The following RHOF variants were observed in gnomAD, a reference collection of about 807,000 sequenced individuals.
RHOF encodes the protein rho-related GTP-binding protein RhoF.
Under a neutral mutation model 22.2 loss-of-function variants are expected in RHOF, and 21 were observed. The observed-to-expected ratio is 0.95, with a 90% confidence interval of 0.67 to 1.36. The LOEUF (loss-of-function observed/expected upper bound fraction) is 1.36. Ranked by LOEUF, RHOF falls within the 40% of genes most tolerant of loss-of-function variation. The pLI is 0.00. For missense variants in RHOF, 285 were observed against 293.7 expected, an observed-to-expected ratio of 0.97 and a Z score of 0.22; for synonymous variants, 135 against 131.2, an observed-to-expected ratio of 1.03 and a Z score of -0.20.
At chr12:121,789,258 C>T (rs1332185879) in intron 2 of RHOF, among the ~76,000 whole-genome samples, 1 of 152,134 alleles carries the variant, frequency 6.6e-6, no homozygotes, top group Non-Finnish European at 1.5e-5. Context: ...AAAAAAAACC[C>T]AGGAATTACA....
At chr12:121,790,497 C>T (rs552145787) in intron 2 of RHOF, among the ~76,000 whole-genome samples, 123 of 152,376 alleles carry the variant, frequency 8.1e-4, no homozygotes, top group African/African-American at 2.8e-3. Context: ...GCATTCGGAT[C>T]CACTACCCAT....
Position 121,793,144 on chromosome 12 carries a change from G to A in RHOF, c.226+8C>T, listed in dbSNP as rs1165037841. On this transcript the variant is annotated splice_region_variant and intron_variant, in intron 2 of 4. Coordinates refer to ENST00000267205, the MANE Select transcript of RHOF (RefSeq NM_019034.3). ...CCCTCGGGCCCCCCGGCGCGCAGGC[G>A]CACTCACCGGCCGTGTCGTAGAGGT... The A allele has an allele frequency of 6.5e-7, 1 of 1,548,768 alleles. No homozygotes were observed. The highest frequency in any genetic ancestry group is 8.7e-7 in the Non-Finnish European group (1 of 1,146,174).
intron 2 of RHOF, among the ~76,000 whole-genome samples, chr12:121,783,166 C>T (rs971137690): frequency 1.3e-5 from 2 of 151,308 alleles, no homozygotes; most frequent in African/African-American, 4.9e-5. Flanking sequence ...CCTACACCAT[C>T]CTCATCTAAG....
intron 4 of RHOF, 32 bp from the exon 5 acceptor site, chr12:121,779,694 G>T: frequency 6.2e-7 from 1 of 1,611,592 alleles, no homozygotes. Context: ...CATTAGGTGA[G>T]GGGCCCCTGG....
Position 121,780,977 on chromosome 12 carries a change from G to A in RHOF, c.366C>T (p.Arg122=), listed in dbSNP as rs766141221. The A allele has an allele frequency of 1.2e-5, 20 of 1,613,864 alleles. No homozygotes were observed. Among genetic ancestry groups the A allele is most frequent in the South Asian group, 5.5e-5 (5 of 91,076 alleles). ...KWFPEVTHFC[R]GIPMVLIGCK... The stretch of plus-strand genomic sequence containing the variant: ...AGCCGATGAGCACCATGGGGATCCC[G>A]CGGCAGAAATGCGTGACCTCAGGGA... The change falls in exon 4 of 5, where the codon CGC becomes CGT. Residue 122 remains arginine (R), a synonymous_variant. Coordinates refer to ENST00000267205, the MANE Select transcript of RHOF (RefSeq NM_019034.3).
At chr12:121,790,401 C>T (rs1170463806) in intron 2 of RHOF, among the ~76,000 whole-genome samples, 3 of 152,266 alleles carry the variant, frequency 2.0e-5, no homozygotes, top group Non-Finnish European at 4.4e-5. Flanking sequence ...TGGCCTTTGC[C>T]TCTCTCTACG....
chr12:121,779,426 G>A lies in RHOF; in HGVS notation c.*72C>T. The A allele has an allele frequency of 6.5e-7, 1 of 1,537,252 alleles. No homozygotes were observed. The highest frequency in any genetic ancestry group is 8.8e-7 in the Non-Finnish European group (1 of 1,132,262). On this transcript the variant is annotated 3_prime_UTR_variant, in exon 5 of 5. Coordinates refer to ENST00000267205, the MANE Select transcript of RHOF (RefSeq NM_019034.3). The stretch of plus-strand genomic sequence containing the variant: ...TGAGCTGGAGGGTCGGGATGGGGCA[G>A]CCTCCCTGGTGCAATCGGCACCTGG...
At chr12:121,785,490 G>T (rs531244929) in intron 2 of RHOF, among the ~76,000 whole-genome samples, 1 of 148,156 alleles carries the variant, frequency 6.7e-6, no homozygotes, top group Admixed American at 6.8e-5. Context: ...GCAGTGGCAC[G>T]ATCTCAGCTC....
At chr12:121,783,285 A>C (rs1874520750) in intron 2 of RHOF, among the ~76,000 whole-genome samples, 23 of 137,554 alleles carry the variant, frequency 1.7e-4, no homozygotes, top group South Asian at 4.8e-4. Context: ...CCCCCTCTCC[A>C]CAACTGAAGC....
rs541405743 is a variant in RHOF, at chr12:121,786,320, T to G, written c.227-5128A>C. On this transcript the variant is annotated intron_variant, in intron 2 of 4. Transcript: ENST00000267205. Reference sequence around the variant, plus strand: ...ATCCACCTGCCTCGGCCTCCCAAAGTGCTGGGATTACAGGCGTGAGCCACC... The same window carrying G: ...ATCCACCTGCCTCGGCCTCCCAAAGGGCTGGGATTACAGGCGTGAGCCACC... 2.0e-5 allele frequency among the ~76,000 whole-genome samples: 3 copies of G among 152,264 alleles called. No individual in the cohort carries two copies. The South Asian group carries it at 6.2e-4, about 32-fold the overall frequency.
chr12:121,793,544 G>T lies in RHOF; in HGVS notation c.90C>A (p.Cys30Ter), dbSNP rs772797329. The change falls in exon 1 of 5, where the codon TGC becomes TGA. Residue 30 changes from cysteine (C) to a stop codon, truncating the protein, a stop_gained. Coordinates refer to ENST00000267205, the MANE Select transcript of RHOF (RefSeq NM_019034.3). LOFTEE classifies it high-confidence loss of function. ...LKIVIVGDGG[C>*]GKTSLLMVYS... Reference sequence around the variant, plus strand: ...ACACCATGAGCAGCGAGGTCTTGCCGCAGCCGCCGTCGCCCACGATCACGA... The same window carrying T: ...ACACCATGAGCAGCGAGGTCTTGCCTCAGCCGCCGTCGCCCACGATCACGA... 1.9e-6 allele frequency: 3 copies of T among 1,546,180 alleles called. No individual in the cohort carries two copies. Among genetic ancestry groups the T allele is most frequent in the Non-Finnish European group, 2.6e-6 (3 of 1,148,466 alleles).
intron 2 of RHOF, among the ~76,000 whole-genome samples, chr12:121,790,170 G>A (rs920432534): frequency 6.6e-5 from 10 of 152,190 alleles, no homozygotes; most frequent in Admixed American, 2.6e-4. Flanking sequence ...GGCCTTCCAC[G>A]AGGGCCCCTG....
chr12:121,788,502 A>G (rs1874672489), intron 2 of RHOF, among the ~76,000 whole-genome samples: 1 of 151,984 alleles, frequency 6.6e-6, no homozygotes, highest in African/African-American at 2.4e-5. Flanking sequence ...CCTGCAGAGG[A>G]CTACTTCCGT....
rs773783574 is a variant in RHOF, at chr12:121,779,153, G to A, written c.*345C>T. On this transcript the variant is annotated 3_prime_UTR_variant, in exon 5 of 5. Transcript: ENST00000267205. ...CCGCGTGGAACAGTGCCAGGTCTAC[G>A]TTTACCCACTACCAGATAGACTTTT... 221 of 283,218 alleles carry A rather than the reference G, an allele frequency of 7.8e-4. No homozygotes were observed. Among genetic ancestry groups the A allele is most frequent in the Non-Finnish European group, 1.3e-3 (189 of 143,896 alleles). The allele number at this position is 283,218 out of a possible 1,614,324, so 17.5% of individuals were successfully genotyped here.
chr12:121,793,577 C>A lies in RHOF; in HGVS notation c.57G>T (p.Glu19Asp). 6.4e-7 allele frequency: 1 copy of A among 1,553,256 alleles called. No homozygotes were observed. The highest frequency in any genetic ancestry group is 8.7e-7 in the Non-Finnish European group (1 of 1,153,004). The change falls in exon 1 of 5, where the codon GAG becomes GAT. Residue 19 changes from glutamate (E) to aspartate (D), a missense_variant. Glu to Asp is a conservative substitution (Grantham distance 45). Transcript: ENST00000267205. ...CGTCGCCCACGATCACGATCTTCAG[C>A]TCCTTCCTGCCCGGACCGGGGGCGG... ...QTAAPGPGRK[E>D]LKIVIVGDGG...
Position 121,781,193 on chromosome 12 carries a change from C to T in RHOF, c.227-1G>A. On this transcript the variant is annotated splice_acceptor_variant, in intron 2 of 4. Coordinates refer to ENST00000267205, the MANE Select transcript of RHOF (RefSeq NM_019034.3). LOFTEE classifies it high-confidence loss of function. ...CGCAGCCGGTCATAGTCTTCTTGCCCTGAAAGCACAGAGCAGCGGGGGTCA... is the reference window on the plus strand; with the variant it reads ...CGCAGCCGGTCATAGTCTTCTTGCCTTGAAAGCACAGAGCAGCGGGGGTCA... 2 of 1,614,072 alleles carry T rather than the reference C, an allele frequency of 1.2e-6. No homozygotes were observed. The highest frequency in any genetic ancestry group is 1.7e-6 in the Non-Finnish European group (2 of 1,179,928).
intron 2 of RHOF, among the ~76,000 whole-genome samples, chr12:121,785,974 G>C (rs971976387): frequency 2.0e-5 from 3 of 151,516 alleles, no homozygotes; most frequent in African/African-American, 7.3e-5. Context: ...GAATGCAGTG[G>C]CGTGATCTCG....
At chr12:121,793,372 AG>A in intron 1 of RHOF, 123 bp downstream of exon 1, 2 of 1,438,670 alleles carry the variant, frequency 1.4e-6, no homozygotes, top group Admixed American at 4.0e-5. Context: ...GGAATTCCCG[AG>A]GGGGCGCCCC....
intron 2 of RHOF, among the ~76,000 whole-genome samples, chr12:121,784,987 T>A (rs540129867): frequency 6.6e-6 from 1 of 152,124 alleles, no homozygotes; most frequent in East Asian, 1.9e-4. Context: ...ATAAGACAGC[T>A]TAGTTTATGA....
Sources: allele counts gnomAD v4.1 joint callset (sites outside exome capture counted in the v4.1 genomes callset), GRCh38; gene constraint gnomAD v4.1.1; transcripts MANE v1.5; gene names NCBI Gene and HGNC (gene_info 2026-07-23, HGNC 2026-07-21).